Variants in AMOT observed in about 807,000 individuals in gnomAD.
AMOT encodes the protein angiomotin.
AMOT carries 11 observed loss-of-function variants against 67.0 expected under a neutral mutation model. The ratio of observed to expected loss-of-function variants is 0.16; its 90% CI spans 0.10 to 0.27. The LOEUF (loss-of-function observed/expected upper bound fraction) is 0.27, where lower values mean the gene tolerates loss of function less well. Ranked by LOEUF, AMOT falls within the 10% of genes least tolerant of loss-of-function variation. AMOT has a pLI of 1.00. For missense variants in AMOT, 753 were observed against 852.0 expected, an observed-to-expected ratio of 0.88 and a Z score of 1.45; for synonymous variants, 326 against 321.4, an observed-to-expected ratio of 1.01 and a Z score of -0.15.
At chrX:112,782,252 C>A (rs777380846) in intron 11 of AMOT, among the ~76,000 whole-genome samples, 5 of 111,874 alleles carry the variant, frequency 4.5e-5, no homozygotes, top group Non-Finnish European at 9.4e-5. Flanking sequence ...TGGTGCAGTG[C>A]TAGAAAGAAT....
intron 3 of AMOT, 33 bp from the exon 4 acceptor site, chrX:112,823,221 G>A: frequency 9.1e-6 from 8 of 883,701 alleles, no homozygotes; most frequent in Non-Finnish European, 1.2e-5. Context: ...TTAACACCCA[G>A]TTGATGGATA....
At chrX:112,793,925 T>C (rs1046383264) in intron 8 of AMOT, among the ~76,000 whole-genome samples, 3 of 112,249 alleles carry the variant, frequency 2.7e-5, no homozygotes, top group African/African-American at 9.7e-5. Flanking sequence ...CTTTGAATAA[T>C]TGGAGAGAAG....
rs1215438420 is a variant in AMOT at position 112,776,570 on chromosome X, C to G, written c.*1997G>C. On this transcript the variant is annotated 3_prime_UTR_variant, in exon 14 of 14. Transcript: ENST00000371959. ...CCTCCTTTATGTCTCTACACACACA[C>G]AGGCACACACACAAAATAATTCCTT... 8.9e-6 allele frequency: 1 copy of G among 111,743 alleles called. No individual in the cohort carries two copies. The highest frequency in any genetic ancestry group is 1.9e-5 in the Non-Finnish European group (1 of 53,123). The allele number at this position is 111,743 out of a possible 1,213,427, so 9.2% of individuals were successfully genotyped here. A position where few individuals can be genotyped will look rare whatever the true frequency, so the allele number is the denominator to read the frequency against.
chrX:112,821,431 A>T (rs1411368347), intron 4 of AMOT, among the ~76,000 whole-genome samples: 1 of 111,983 alleles, frequency 8.9e-6, no homozygotes, highest in African/African-American at 3.2e-5. Context: ...AACAATGAAC[A>T]GAATCATAGA....
At position 112,795,613 on chromosome X, in the gene AMOT, C is replaced by T. The variant is rs143583025; in HGVS notation, c.1777-3632G>A. On this transcript the variant is annotated intron_variant, in intron 8 of 13. Coordinates refer to ENST00000371959, the MANE Select transcript of AMOT (RefSeq NM_001113490.2). ...TGGCCCACAAACTCCAAAATATTTA[C>T]AATATGGTCCTTTAGAGAAAAGTTG... 3.6e-5 allele frequency among the ~76,000 whole-genome samples: 4 copies of T among 110,906 alleles called. No homozygotes were observed. In the East Asian group the frequency reaches 1.1e-3, roughly 31 times the overall value.
chrX:112,803,841 C>CA (rs1414179703), intron 8 of AMOT, among the ~76,000 whole-genome samples: 1 of 112,253 alleles, frequency 8.9e-6, no homozygotes, highest in Non-Finnish European at 1.9e-5. Flanking sequence ...TTCAAATCTA[C>CA]AAATTTCTCA....
At chrX:112,780,793 C>G in intron 12 of AMOT, 93 bp downstream of exon 12, 1 of 963,424 alleles carries the variant, frequency 1.0e-6, no homozygotes, top group Non-Finnish European at 1.4e-6. Context: ...TCTCTAGAAC[C>G]TGGACCATCA....
At chrX:112,799,889 G>A (rs1933956037) in intron 8 of AMOT, among the ~76,000 whole-genome samples, 1 of 111,816 alleles carries the variant, frequency 8.9e-6, no homozygotes, top group Non-Finnish European at 1.9e-5. Flanking sequence ...CTATTTGGGG[G>A]TAGACATAAT....
chrX:112,778,978 T>A lies in AMOT; in HGVS notation c.3157+19A>T, dbSNP rs1254404999. The A allele has an allele frequency of 8.3e-7, 1 of 1,198,375 alleles. No homozygotes were observed. Reference sequence around the variant, plus strand: ...GAGCAGAACTAAACCAAAACCTACCTGCTAAAGGGAATAATTACCTGTTTT... The same window carrying A: ...GAGCAGAACTAAACCAAAACCTACCAGCTAAAGGGAATAATTACCTGTTTT... On this transcript the variant is annotated intron_variant, in intron 13 of 13. Coordinates refer to ENST00000371959, the MANE Select transcript of AMOT (RefSeq NM_001113490.2).
intron 8 of AMOT, among the ~76,000 whole-genome samples, chrX:112,795,529 T>C (rs191301414): frequency 4.6e-4 from 51 of 111,707 alleles, no homozygotes; most frequent in African/African-American, 1.4e-3. Context: ...ATTTTGTCTA[T>C]AGCTGCCTTA....
chrX:112,799,835 T>C (rs1264516447), intron 8 of AMOT, among the ~76,000 whole-genome samples: 1 of 112,155 alleles, frequency 8.9e-6, no homozygotes, highest in Non-Finnish European at 1.9e-5. Context: ...GCCAAAATCA[T>C]AGGAAAGACT....
chrX:112,829,202 T>C (rs1186727643), intron 2 of AMOT, among the ~76,000 whole-genome samples: 1 of 111,675 alleles, frequency 9.0e-6, no homozygotes, highest in African/African-American at 3.3e-5. Flanking sequence ...TGATATAGTT[T>C]GGATGTGTGT....
rs768312078 is a variant in AMOT at position 112,807,209 on chromosome X, G to GA, written c.1631-2118dup. On this transcript the variant is annotated intron_variant, in intron 7 of 13. Coordinates refer to ENST00000371959, the MANE Select transcript of AMOT (RefSeq NM_001113490.2). ...GTGATCCTGCACCACCTAAAGGGGTGAAAAAAAACTGAGATGCACTTGTGA... is the reference window on the plus strand; with the variant it reads ...GTGATCCTGCACCACCTAAAGGGGTGAAAAAAAAACTGAGATGCACTTGTGA... 3.6e-3 allele frequency among the ~76,000 whole-genome samples: 395 copies of GA among 109,761 alleles called. 3 individuals carry two copies. The highest frequency in any genetic ancestry group is 0.013 in the African/African-American group (382 of 30,182).
intron 4 of AMOT, among the ~76,000 whole-genome samples, chrX:112,816,519 C>T (rs1248587281): frequency 8.9e-6 from 1 of 111,976 alleles, no homozygotes; most frequent in East Asian, 2.8e-4. Flanking sequence ...TAGCAGTAAC[C>T]ATAAAAAGAC....
intron 3 of AMOT, among the ~76,000 whole-genome samples, chrX:112,823,867 C>T (rs1311220932): frequency 8.9e-6 from 1 of 112,115 alleles, no homozygotes; most frequent in Non-Finnish European, 1.9e-5. Flanking sequence ...CCTTTCAGCT[C>T]TCCAGAAACA....
intron 5 of AMOT, among the ~76,000 whole-genome samples, chrX:112,812,042 T>C (rs920044140): frequency 9.8e-5 from 11 of 112,021 alleles, no homozygotes; most frequent in African/African-American, 3.6e-4. Flanking sequence ...GAGGTTTCAA[T>C]CCAATCGAAT....
At chrX:112,793,072 G>A (rs931548192) in intron 8 of AMOT, among the ~76,000 whole-genome samples, 2 of 108,785 alleles carry the variant, frequency 1.8e-5, no homozygotes, top group Non-Finnish European at 3.8e-5. Flanking sequence ...AGCAGATTAT[G>A]CTTCTCGTAA....
chrX:112,793,588 C>T (rs1376906253), intron 8 of AMOT, among the ~76,000 whole-genome samples: 1 of 112,013 alleles, frequency 8.9e-6, no homozygotes, highest in East Asian at 2.8e-4. Context: ...TCGAAGGAAC[C>T]CTATCTTGTA....
At chrX:112,821,930 T>C (rs1184093744) in intron 4 of AMOT, among the ~76,000 whole-genome samples, 1 of 112,438 alleles carries the variant, frequency 8.9e-6, no homozygotes, top group Non-Finnish European at 1.9e-5. Flanking sequence ...CAAGGAGGGC[T>C]TATGAGAAAC....
Sources: allele counts gnomAD v4.1 joint callset (sites outside exome capture counted in the v4.1 genomes callset), GRCh38; gene constraint gnomAD v4.1.1; transcripts MANE v1.5; gene names NCBI Gene and HGNC (gene_info 2026-07-23, HGNC 2026-07-21).